NDUFS5: variants seen among roughly 807,000 people sequenced by gnomAD.
NDUFS5 encodes the protein NADH dehydrogenase [ubiquinone] iron-sulfur protein 5.
NDUFS5 carries 7 observed loss-of-function variants against 10.5 expected under a neutral mutation model. That is an observed-to-expected ratio of 0.66 (90% confidence interval 0.38 to 1.25). The LOEUF (loss-of-function observed/expected upper bound fraction) is 1.25, where lower values mean the gene tolerates loss of function less well. Ranked by LOEUF, NDUFS5 falls within the 50% of genes most tolerant of loss-of-function variation. NDUFS5 has a pLI of 0.02. For missense variants in NDUFS5, 148 were observed against 140.7 expected (o/e 1.05, Z -0.26); for synonymous variants, 38 against 44.0 (o/e 0.86, Z 0.54).
intron 2 of NDUFS5, among the ~76,000 whole-genome samples, chr1:39,030,392 G>T (rs1321402716): frequency 7.2e-6 from 1 of 138,636 alleles, no homozygotes; most frequent in African/African-American, 2.7e-5. Context: ...GCGACAGAGC[G>T]AGACTCCGTC....
chr1:39,029,039 C>A, intron 2 of NDUFS5, 99 bp downstream of exon 2: 1 of 1,155,568 alleles, frequency 8.7e-7, no homozygotes, highest in Non-Finnish European at 1.2e-6. Flanking sequence ...GTCCCCTAGG[C>A]TGGTGTGTGA....
At chr1:39,028,506 C>T (rs1224214913) in intron 1 of NDUFS5, among the ~76,000 whole-genome samples, 8 of 152,018 alleles carry the variant, frequency 5.3e-5, no homozygotes, top group South Asian at 2.1e-4. Context: ...TTCTCTTTTC[C>T]TTGAGTTTTG....
chr1:39,032,336 A>G (rs1644195241), intron 2 of NDUFS5, among the ~76,000 whole-genome samples: 2 of 152,204 alleles, frequency 1.3e-5, no homozygotes, highest in African/African-American at 4.8e-5. Context: ...AAGATTTGAC[A>G]TATGGTATTG....
At chr1:39,032,257 A>G (rs1419192933) in intron 2 of NDUFS5, among the ~76,000 whole-genome samples, 1 of 152,194 alleles carries the variant, frequency 6.6e-6, no homozygotes, top group Non-Finnish European at 1.5e-5. Context: ...TGGAGCTGGG[A>G]TTTTATCCTG....
intron 2 of NDUFS5, among the ~76,000 whole-genome samples, chr1:39,033,195 G>C (rs1644202028): frequency 6.6e-6 from 1 of 152,036 alleles, no homozygotes; most frequent in Admixed American, 6.6e-5. Flanking sequence ...CTTCCATATG[G>C]GGAAAAGAGA....
intron 2 of NDUFS5, among the ~76,000 whole-genome samples, chr1:39,031,821 G>A (rs1268877678): frequency 1.3e-5 from 2 of 152,154 alleles, no homozygotes; most frequent in Non-Finnish European, 1.5e-5. Context: ...CCTATTGTAA[G>A]TTCTTAGCAT....
At chr1:39,034,287 G>C in intron 2 of NDUFS5, 105 bp from the exon 3 acceptor site, 1 of 975,534 alleles carries the variant, frequency 1.0e-6, no homozygotes, top group Non-Finnish European at 1.6e-6. Context: ...AAGATGAAAG[G>C]CCTTTTGTAG....
intron 2 of NDUFS5, among the ~76,000 whole-genome samples, chr1:39,031,415 C>T (rs142419877): frequency 0.02 from 2,993 of 151,692 alleles, 91 homozygotes; most frequent in African/African-American, 0.067. Flanking sequence ...CACAAGTCAT[C>T]CTCCTGCCTC....
At chr1:39,027,537 G>A (rs1644158201) in intron 1 of NDUFS5, among the ~76,000 whole-genome samples, 1 of 143,540 alleles carries the variant, frequency 7.0e-6, no homozygotes, top group African/African-American at 2.5e-5. Context: ...CCTACTGTCT[G>A]TAATAGTCTA....
intron 1 of NDUFS5, among the ~76,000 whole-genome samples, 199 bp from the exon 2 acceptor site, chr1:39,028,524 G>T (rs186365342): frequency 6.6e-6 from 1 of 152,018 alleles, no homozygotes; most frequent in Non-Finnish European, 1.5e-5. Flanking sequence ...TTGAAAAAGC[G>T]CAAAAACTGC....
At position 39,034,466 on chromosome 1, in the gene NDUFS5, C is replaced by A. The variant is rs1230310078; in HGVS notation, c.291C>A (p.His97Gln). ...IKEGKYTPPP[H>Q]HIGKGEPRP ...AAGGAAAGTACACCCCTCCACCTCA[C>A]CACATTGGCAAGGGGGAGCCTCGGC... The change falls in exon 3 of 3, where the codon CAC becomes CAA. Residue 97 changes from histidine (H) to glutamine (Q), a missense_variant. His to Gln is a conservative substitution (Grantham distance 24, BLOSUM62 0). Coordinates refer to ENST00000372969, the MANE Select transcript of NDUFS5 (RefSeq NM_004552.3). 6.2e-7 allele frequency: 1 copy of A among 1,613,606 alleles called. No individual in the cohort carries two copies. Among genetic ancestry groups the A allele is most frequent in the African/African-American group, 1.3e-5 (1 of 74,910 alleles).
At chr1:39,032,044 A>G (rs972226857) in intron 2 of NDUFS5, among the ~76,000 whole-genome samples, 20 of 152,174 alleles carry the variant, frequency 1.3e-4, no homozygotes, top group Non-Finnish European at 2.6e-4. Flanking sequence ...CTGTAATCCC[A>G]GCTACTCAGG....
intron 2 of NDUFS5, among the ~76,000 whole-genome samples, chr1:39,033,885 C>T (rs1031985558): frequency 1.1e-4 from 16 of 151,870 alleles, no homozygotes; most frequent in Middle Eastern, 3.4e-3. Flanking sequence ...ACTGCAACCT[C>T]CGCCTCCCAA....
At chr1:39,032,403 G>A (rs1644195624) in intron 2 of NDUFS5, among the ~76,000 whole-genome samples, 1 of 152,170 alleles carries the variant, frequency 6.6e-6, no homozygotes, top group Non-Finnish European at 1.5e-5. Flanking sequence ...TAAATGGTAA[G>A]AATGTAGTCT....
intron 1 of NDUFS5, among the ~76,000 whole-genome samples, chr1:39,026,837 A>C (rs1290465873): frequency 1.3e-5 from 2 of 152,088 alleles, no homozygotes; most frequent in Non-Finnish European, 2.9e-5. Context: ...CTGCCCACTG[A>C]TCTTCACTTG....
At chr1:39,027,400 C>G (rs1644157000) in intron 1 of NDUFS5, among the ~76,000 whole-genome samples, 1 of 152,064 alleles carries the variant, frequency 6.6e-6, no homozygotes. Context: ...ACCATGAGTA[C>G]ACATTTATAT....
intron 1 of NDUFS5, among the ~76,000 whole-genome samples, chr1:39,027,430 C>T (rs190069340): frequency 1.6e-4 from 25 of 152,112 alleles, no homozygotes; most frequent in Middle Eastern, 3.4e-3. Context: ...TGGGTGTGCG[C>T]GCGCTTCCTT....
intron 1 of NDUFS5, among the ~76,000 whole-genome samples, chr1:39,026,975 C>T (rs2148079377): frequency 6.6e-6 from 1 of 152,380 alleles, no homozygotes; most frequent in Middle Eastern, 3.4e-3. Flanking sequence ...GTCTCTGGTG[C>T]TTACGTTGGA....
At chr1:39,029,103 G>A (rs753969901) in intron 2 of NDUFS5, among the ~76,000 whole-genome samples, 163 bp downstream of exon 2, 42 of 151,158 alleles carry the variant, frequency 2.8e-4, no homozygotes, top group African/African-American at 1.0e-3. Flanking sequence ...GGCGATTCGC[G>A]TACCTCAGCC....
Sources: allele counts gnomAD v4.1 joint callset (sites outside exome capture counted in the v4.1 genomes callset), GRCh38; gene constraint gnomAD v4.1.1; transcripts MANE v1.5; gene names NCBI Gene and HGNC (gene_info 2026-07-23, HGNC 2026-07-21).